NSD3: variants seen among roughly 807,000 people sequenced by gnomAD.
NSD3 encodes histone-lysine N-methyltransferase NSD3.
In NSD3, 24 loss-of-function variants were observed where a neutral mutation model predicts 160.8. That is an observed-to-expected ratio of 0.15 (90% CI 0.11 to 0.21). The LOEUF is 0.21. NSD3 is among the 10% of genes least tolerant of loss of function. The pLI is 1.00. For missense variants in NSD3, 1,157 were observed against 1,735.9 expected (o/e 0.67, Z 5.93); for synonymous variants, 520 against 600.0 (o/e 0.87, Z 1.95).
intron 1 of NSD3, among the ~76,000 whole-genome samples, chr8:38,380,053 C>A (rs1033892660): frequency 6.6e-5 from 10 of 152,140 alleles, no homozygotes; most frequent in Non-Finnish European, 1.5e-4. Flanking sequence ...AACAAAAAAA[C>A]CCTGGCATCT....
intron 7 of NSD3, among the ~76,000 whole-genome samples, chr8:38,326,062 C>T (rs1809903235): frequency 2.6e-5 from 4 of 151,798 alleles, no homozygotes; most frequent in Admixed American, 6.6e-5. Flanking sequence ...GCAGGAGAAT[C>T]GCTTGAACCT....
intron 2 of NSD3, among the ~76,000 whole-genome samples, chr8:38,342,897 T>C (rs1168490467): frequency 6.6e-6 from 1 of 151,798 alleles, no homozygotes; most frequent in Non-Finnish European, 1.5e-5. Context: ...TTCATTAAGA[T>C]GAGTATACTA....
intron 16 of NSD3, 113 bp from the exon 17 acceptor site, chr8:38,290,790 T>C (rs918605444): frequency 1.1e-6 from 1 of 948,146 alleles, no homozygotes; most frequent in Admixed American, 2.7e-5. Context: ...TTCATTCAGA[T>C]TCTAAGAACA....
intron 14 of NSD3, 77 bp downstream of exon 14, chr8:38,304,510 A>C (rs899290307): frequency 3.4e-6 from 5 of 1,458,736 alleles, no homozygotes; most frequent in Non-Finnish European, 4.6e-6. Flanking sequence ...GTTCTTTCCC[A>C]ATGCTGAGAC....
chr8:38,337,163 A>G (rs577543669), intron 4 of NSD3, 142 bp downstream of exon 4: 1 of 885,680 alleles, frequency 1.1e-6, no homozygotes, highest in South Asian at 3.9e-5. Flanking sequence ...AGAAAAAAAA[A>G]AAATCCACAA....
At chr8:38,363,406 G>A (rs975431493) in intron 1 of NSD3, among the ~76,000 whole-genome samples, 2 of 152,176 alleles carry the variant, frequency 1.3e-5, no homozygotes, top group East Asian at 1.9e-4. Flanking sequence ...CACTTTGGGA[G>A]GCAGAGGCGG....
intron 1 of NSD3, among the ~76,000 whole-genome samples, chr8:38,366,816 T>G (rs1811117820): frequency 6.6e-6 from 1 of 152,156 alleles, no homozygotes; most frequent in South Asian, 2.1e-4. Context: ...CATTAAAAAT[T>G]TAGTTCCTCA....
chr8:38,274,882 A>G lies in NSD3; in HGVS notation c.*759T>C, dbSNP rs1425515992. ...AACCCAAACCATCCATGTCAATGGA[A>G]AACGTTTTAAAAATCAGTGAGCACA... On this transcript the variant is annotated 3_prime_UTR_variant, in exon 24 of 24. Transcript: ENST00000317025. The G allele has an allele frequency of 5.5e-6, 1 of 183,174 alleles. No homozygotes were observed. Among genetic ancestry groups the G allele is most frequent in the East Asian group, 9.0e-5 (1 of 11,154 alleles). 11.3% of individuals were successfully genotyped at this position (183,174 alleles called of 1,614,324 possible). A position where few individuals can be genotyped will look rare whatever the true frequency, so the allele number is the denominator to read the frequency against.
At chr8:38,299,377 CT>C (rs954360348) in intron 15 of NSD3, 66 bp downstream of exon 15, 13 of 1,526,420 alleles carry the variant, frequency 8.5e-6, no homozygotes, top group African/African-American at 1.4e-5. Flanking sequence ...CATTTCCCCC[CT>C]ATATTGAAAG....
intron 22 of NSD3, among the ~76,000 whole-genome samples, chr8:38,276,856 T>C (rs1808612406): frequency 6.6e-6 from 1 of 152,162 alleles, no homozygotes; most frequent in Non-Finnish European, 1.5e-5. Flanking sequence ...GGCTAATTTT[T>C]GTAATTTTTT....
intron 16 of NSD3, among the ~76,000 whole-genome samples, chr8:38,293,945 AAAAAAAAAAGAG>A: frequency 6.6e-6 from 1 of 150,584 alleles, no homozygotes; most frequent in Non-Finnish European, 1.5e-5. Flanking sequence ...AAAAAAAAAA[AAAAAAAAAAGAG>A]AAATATATTT....
At chr8:38,351,000 C>T (rs1810682917) in intron 1 of NSD3, among the ~76,000 whole-genome samples, 1 of 141,448 alleles carries the variant, frequency 7.1e-6, no homozygotes, top group Non-Finnish European at 1.5e-5. Context: ...GAGATGGAGT[C>T]TTGCTCTGTC....
At chr8:38,371,807 G>A (rs142651834) in intron 1 of NSD3, among the ~76,000 whole-genome samples, 1 of 152,270 alleles carries the variant, frequency 6.6e-6, no homozygotes, top group Non-Finnish European at 1.5e-5. Flanking sequence ...ACATGGCAGA[G>A]TTGTACGCAA....
chr8:38,362,202 G>C (rs951031306), intron 1 of NSD3, among the ~76,000 whole-genome samples: 1 of 119,114 alleles, frequency 8.4e-6, no homozygotes, highest in African/African-American at 3.3e-5. Context: ...ATAGTGCCTG[G>C]CACATTATCA....
At chr8:38,286,801 C>A (rs1011762566) in intron 19 of NSD3, among the ~76,000 whole-genome samples, 1 of 152,316 alleles carries the variant, frequency 6.6e-6, no homozygotes, top group East Asian at 1.9e-4. Flanking sequence ...GCAGCCTTTA[C>A]AGCTGCCTGC....
chr8:38,281,604 TG>T lies in NSD3; in HGVS notation c.3502-22del, dbSNP rs1808736066. On this transcript the variant is annotated intron_variant, in intron 19 of 23. Transcript: ENST00000317025. Reference sequence around the variant, plus strand: ...TCACCCTGGAGATAAATGTGCAATATGTAACTTAAAATCAGTGTATTATATA... The same window carrying T: ...TCACCCTGGAGATAAATGTGCAATATTAACTTAAAATCAGTGTATTATATA... The T allele has an allele frequency of 2.0e-6, 3 of 1,535,168 alleles. No homozygotes were observed. The African/African-American group carries it at 4.1e-5, about 21-fold the overall frequency.
intron 22 of NSD3, 126 bp downstream of exon 22, chr8:38,278,180 T>C (rs543194515): frequency 6.7e-4 from 422 of 629,788 alleles, no homozygotes; most frequent in Admixed American, 1.0e-3. Context: ...CCTCGTGATC[T>C]GCCCGCCTTG....
chr8:38,358,318 C>A (rs1810874086), intron 1 of NSD3, among the ~76,000 whole-genome samples: 2 of 152,056 alleles, frequency 1.3e-5, no homozygotes, highest in Admixed American at 1.3e-4. Flanking sequence ...ATTTTCACAA[C>A]ACAGAGGAAG....
At position 38,329,745 on chromosome 8, in the gene NSD3, T is replaced by C. The variant is rs768590395; in HGVS notation, c.1214A>G (p.Gln405Arg). The C allele has an allele frequency of 1.2e-6, 2 of 1,614,242 alleles. No individual in the cohort carries two copies. Among genetic ancestry groups the C allele is most frequent in the South Asian group, 2.2e-5 (2 of 91,086 alleles). Residue 405 changes from glutamine (Q) to arginine (R), a missense_variant, in exon 6 of 24, where the codon CAA (glutamine) becomes CGA (arginine). By Grantham distance (43) the Gln-to-Arg change is conservative. Around this residue, in one of 10 missense-constraint regions of NSD3, gnomAD observed 168 missense variants for 208.1 expected, o/e 0.81. Transcript: ENST00000317025. This position sits in a 1 kb window ranked among gnomAD's most constrained non-coding sequence, Gnocchi z 4.8. ...TTTGGAGGCAACACTCTTTTTTGCT[T>C]GGGATAAAGCCTCTTCAGGCTGTTT... ...IDKQPEEALSQAKKSVASKTE... is the reference protein window; with the variant it reads ...IDKQPEEALSRAKKSVASKTE...
Sources: gnomAD v4.1 joint callset for allele counts (sites outside exome capture counted in the v4.1 genomes callset) on GRCh38, gnomAD v4.1.1 for gene constraint, gnomAD v4.1.1 regional missense constraint, Gnocchi (gnomAD v3.1) non-coding constraint, MANE v1.5 for transcripts, NCBI Gene and HGNC (gene_info 2026-07-23, HGNC 2026-07-21) for gene names.